ZNF69: variants seen among roughly 807,000 people sequenced by gnomAD.
ZNF69 encodes the protein zinc finger protein 69.
In ZNF69, 47 loss-of-function variants were observed where a neutral mutation model predicts 50.9. The ratio of observed to expected loss-of-function variants is 0.92; its 90% confidence interval spans 0.73 to 1.18. The LOEUF is 1.18. Among genes scored for constraint, ZNF69 ranks in the 50% most tolerant of loss-of-function variants. The pLI is 0.00. For synonymous variants in ZNF69, 216 were observed against 223.1 expected, an observed-to-expected ratio of 0.97 and a Z score of 0.29; for missense variants, 717 against 675.1, an observed-to-expected ratio of 1.06 and a Z score of -0.69.
chr19:11,949,851 G>T, the ZNF69 span: 1 of 1,610,030 alleles, frequency 6.2e-7, no homozygotes, highest in Non-Finnish European at 8.5e-7. Context: ...ACCTTCGAAA[G>T]CATGGTAGGA....
chr19:11,893,133 C>T (rs1977136616), intron 1 of ZNF69, among the ~76,000 whole-genome samples: 1 of 152,160 alleles, frequency 6.6e-6, no homozygotes, highest in Non-Finnish European at 1.5e-5. Flanking sequence ...GCTTTCCTGG[C>T]CTGACTTAGG....
downstream of ZNF69, among the ~76,000 whole-genome samples, chr19:11,916,180 T>C (rs900071032): frequency 1.3e-5 from 2 of 152,220 alleles, no homozygotes; most frequent in African/African-American, 4.8e-5. Flanking sequence ...TGAAGCCAGC[T>C]TGTCATTAAA....
At chr19:11,978,359 G>C in the ZNF69 span, 2 of 1,614,052 alleles carry the variant, frequency 1.2e-6, no homozygotes, top group African/African-American at 2.7e-5. Context: ...AGCCATATAA[G>C]TGTCAACAAC....
chr19:11,949,498 C>T, the ZNF69 span: 2 of 1,611,956 alleles, frequency 1.2e-6, no homozygotes, highest in African/African-American at 2.7e-5. Flanking sequence ...CCTTCAAATT[C>T]ATGAAAGGAC....
the ZNF69 span, chr19:11,965,360 C>A: frequency 1.8e-6 from 2 of 1,115,816 alleles, no homozygotes; most frequent in Non-Finnish European, 2.6e-6. Flanking sequence ...TCGGTCCCCT[C>A]GGCCGCTGGA....
the ZNF69 span, among the ~76,000 whole-genome samples, chr19:11,960,254 G>A: frequency 6.6e-6 from 1 of 152,134 alleles, no homozygotes; most frequent in South Asian, 2.1e-4. Flanking sequence ...TCTTGAACTC[G>A]TGATCTGCCC....
At chr19:11,896,621 G>A (rs1352751690) in intron 1 of ZNF69, among the ~76,000 whole-genome samples, 1 of 152,018 alleles carries the variant, frequency 6.6e-6, no homozygotes, top group Non-Finnish European at 1.5e-5. Flanking sequence ...AGAAAGGATC[G>A]ACTCTTATGC....
chr19:11,887,999 G>C lies in ZNF69; in HGVS notation c.63+13G>C, dbSNP rs755609113. On this transcript the variant is annotated intron_variant, in intron 1 of 3. Transcript: ENST00000429654. ...AAGCCAGGAAATGGTGCGTGTCTGG[G>C]GCCGGGTGTCGTGAGACGGGGGAGG... The C allele has an allele frequency of 6.2e-7, 1 of 1,610,956 alleles. No homozygotes were observed. Among genetic ancestry groups the C allele is most frequent in the Non-Finnish European group, 8.5e-7 (1 of 1,177,948 alleles).
intron 1 of ZNF69, among the ~76,000 whole-genome samples, chr19:11,898,030 A>G (rs570082683): frequency 2.0e-4 from 30 of 152,336 alleles, no homozygotes; most frequent in Middle Eastern, 3.4e-3. Context: ...TACTAAAAAT[A>G]TTACATGTGC....
the ZNF69 span, among the ~76,000 whole-genome samples, chr19:11,925,675 A>G: frequency 5.3e-5 from 8 of 152,356 alleles, no homozygotes; most frequent in African/African-American, 1.9e-4. Context: ...GTTAAAAATT[A>G]AACTGAGGTA....
the ZNF69 span, among the ~76,000 whole-genome samples, chr19:11,966,693 T>C: frequency 6.6e-6 from 1 of 152,128 alleles, no homozygotes; most frequent in Non-Finnish European, 1.5e-5. Context: ...GTTTTTAAGT[T>C]TGCAGGTTGA....
the ZNF69 span, among the ~76,000 whole-genome samples, chr19:11,932,217 G>A: frequency 1.4e-5 from 2 of 148,058 alleles, no homozygotes; most frequent in South Asian, 2.1e-4. Context: ...GGTGATGTGC[G>A]CCTGTAGACC....
At chr19:11,901,383 G>T (rs1204162795) in intron 1 of ZNF69, among the ~76,000 whole-genome samples, 1 of 152,188 alleles carries the variant, frequency 6.6e-6, no homozygotes, top group Non-Finnish European at 1.5e-5. Flanking sequence ...TTAAGCAGTA[G>T]GATATAAACA....
At chr19:11,950,440 C>T in the ZNF69 span, 1 of 735,022 alleles carries the variant, frequency 1.4e-6, no homozygotes, top group Non-Finnish European at 2.4e-6. Context: ...TTTTCAATGT[C>T]ATGAAAGGAC....
chr19:11,947,365 T>G, the ZNF69 span: 1 of 1,609,982 alleles, frequency 6.2e-7, no homozygotes, highest in African/African-American at 1.3e-5. Flanking sequence ...TTCTAGCTCA[T>G]GAATGCTGTT....
intron 1 of ZNF69, among the ~76,000 whole-genome samples, chr19:11,899,811 C>G (rs1972205130): frequency 6.6e-6 from 1 of 152,178 alleles, no homozygotes. Context: ...CAGAGCTCCA[C>G]AGACTGTCTT....
At chr19:11,978,276 A>G in the ZNF69 span, 2 of 1,614,148 alleles carry the variant, frequency 1.2e-6, no homozygotes, top group Admixed American at 3.3e-5. Context: ...TGGCATAGGT[A>G]ACTCATCTTT....
chr19:11,976,831 G>T, the ZNF69 span: 1 of 1,391,194 alleles, frequency 7.2e-7, no homozygotes, highest in Non-Finnish European at 9.3e-7. Flanking sequence ...TCCAGCCTGG[G>T]CAACAAGTTG....
chr19:11,908,326 T>C (rs1972408894), downstream of ZNF69, among the ~76,000 whole-genome samples: 1 of 152,198 alleles, frequency 6.6e-6, no homozygotes, highest in South Asian at 2.1e-4. Flanking sequence ...GAGGACCTAA[T>C]AGACATCTAC....
Sources: allele counts gnomAD v4.1 joint callset (sites outside exome capture counted in the v4.1 genomes callset), GRCh38; gene constraint gnomAD v4.1.1; transcripts MANE v1.5; gene names NCBI Gene and HGNC (gene_info 2026-07-23, HGNC 2026-07-21).